The following PLAG1 variants were observed in gnomAD, a reference collection of about 807,000 sequenced individuals.
PLAG1 encodes PLAG1 zinc finger, also known as zinc finger protein PLAG1.
Under a neutral mutation model 35.5 loss-of-function variants are expected in PLAG1, and 7 were observed. The observed-to-expected ratio is 0.20, with a 90% CI of 0.11 to 0.37. The LOEUF is 0.37. PLAG1 is among the 10% of genes least tolerant of loss of function. The probability of loss-of-function intolerance (pLI) is 1.00; values close to 1 mark genes in which losing one functional copy is unlikely to be tolerated. For synonymous variants in PLAG1, 229 were observed against 225.4 expected, an observed-to-expected ratio of 1.02 and a Z score of -0.14; for missense variants, 454 against 602.8, an observed-to-expected ratio of 0.75 and a Z score of 2.58.
At chr8:56,190,521 A>G (rs1406144496) in intron 1 of PLAG1, among the ~76,000 whole-genome samples, 1 of 152,162 alleles carries the variant, frequency 6.6e-6, no homozygotes, top group Non-Finnish European at 1.5e-5. Flanking sequence ...GGGAACCAGA[A>G]TGGAGGCCTG....
chr8:56,191,050 G>A (rs1013701454), intron 1 of PLAG1, among the ~76,000 whole-genome samples: 1 of 152,192 alleles, frequency 6.6e-6, no homozygotes, highest in Non-Finnish European at 1.5e-5. Flanking sequence ...TCCCATGACA[G>A]GGCTGGAGAG....
Position 56,166,871 on chromosome 8 carries a change from T to C in PLAG1, c.875A>G (p.Asn292Ser), listed in dbSNP as rs772602654. The C allele has an allele frequency of 1.9e-6, 3 of 1,614,074 alleles. No homozygotes were observed. Among genetic ancestry groups the C allele is most frequent in the Non-Finnish European group, 2.5e-6 (3 of 1,179,984 alleles). The change falls in exon 5 of 5, where the codon AAC (asparagine) becomes AGC (serine). Residue 292 changes from asparagine (N) to serine (S), a missense_variant. Asn to Ser is a conservative substitution (Grantham distance 46). Around this residue, in one of 4 missense-constraint regions of PLAG1, gnomAD observed 271 missense variants for 315.6 expected, o/e 0.86. Coordinates refer to ENST00000316981, the MANE Select transcript of PLAG1 (RefSeq NM_002655.3). ...FTNTLQLNLY[N>S]TPFQSMQSSG... ...GCTCTGCATGGACTGAAATGGAGTG[T>C]TGTAGAGGTTTAACTGCAAAGTGTT...
At chr8:56,196,852 G>C (rs1481552948) in intron 1 of PLAG1, among the ~76,000 whole-genome samples, 3 of 151,956 alleles carry the variant, frequency 2.0e-5, no homozygotes, top group African/African-American at 7.3e-5. Context: ...AGATGCGTGG[G>C]GGTGTGCATG....
rs1419974199 is a variant in PLAG1 at position 56,161,393 on chromosome 8, A to G, written c.*4850T>C. ...TAGTCCAAACACTTTTTCATTAGCT[A>G]AAAATACAATTTCAGCAGTCCAGCT... On this transcript the variant is annotated 3_prime_UTR_variant, in exon 5 of 5. Coordinates refer to ENST00000316981, the MANE Select transcript of PLAG1 (RefSeq NM_002655.3). 4.6e-6 allele frequency: 1 copy of G among 218,182 alleles called. No homozygotes were observed. The highest frequency in any genetic ancestry group is 9.2e-6 in the Non-Finnish European group (1 of 108,282). 13.5% of individuals were successfully genotyped at this position (218,182 alleles called of 1,614,324 possible). A position where few individuals can be genotyped will look rare whatever the true frequency, so the allele number is the denominator to read the frequency against.
In PLAG1 at chr8:56,165,139, C is replaced by T; in HGVS notation, c.*1104G>A. On this transcript the variant is annotated 3_prime_UTR_variant, in exon 5 of 5. Transcript: ENST00000316981. ...AGCAAGAAATGATATAAGCGATATGCTTTTACTTTACTTCTAAAAAGTCCA... is the reference window on the plus strand; with the variant it reads ...AGCAAGAAATGATATAAGCGATATGTTTTTACTTTACTTCTAAAAAGTCCA... The T allele has an allele frequency of 4.8e-6, 1 of 210,442 alleles. No homozygotes were observed. The highest frequency in any genetic ancestry group is 9.7e-6 in the Non-Finnish European group (1 of 103,570). The allele number at this position is 210,442 out of a possible 1,614,324, so 13.0% of individuals were successfully genotyped here.
intron 1 of PLAG1, among the ~76,000 whole-genome samples, chr8:56,198,614 G>C (rs1054605531): frequency 6.6e-6 from 1 of 152,216 alleles, no homozygotes; most frequent in African/African-American, 2.4e-5. Flanking sequence ...TCTGCCTCCA[G>C]CACGTAGAGC....
chr8:56,210,213 G>T (rs1297332316), intron 1 of PLAG1, among the ~76,000 whole-genome samples: 1 of 152,212 alleles, frequency 6.6e-6, no homozygotes, highest in East Asian at 1.9e-4. Context: ...CAGGGGAAAG[G>T]CGGTACATAC....
At position 56,167,179 on chromosome 8, in the gene PLAG1, A is replaced by G. The variant is rs762661199; in HGVS notation, c.567T>C (p.His189=). ...GVKEKKHQCE[H]CDRRFYTRKD... is the part of the protein sequence containing the mutation. ...TTCGGGTGTAGAACCGGCGATCACA[A>G]TGTTCGCACTGGTGCTTTTTTTCTT... Residue 189 remains histidine, a synonymous_variant, in exon 5 of 5, where the codon CAT becomes CAC. Coordinates refer to ENST00000316981, the MANE Select transcript of PLAG1 (RefSeq NM_002655.3). The surrounding 1 kb of genome is among the most constrained non-coding windows in gnomAD (Gnocchi z 5.9). The G allele has an allele frequency of 1.2e-6, 2 of 1,613,508 alleles. No homozygotes were observed. Among genetic ancestry groups the G allele is most frequent in the Non-Finnish European group, 1.7e-6 (2 of 1,179,802 alleles).
intron 1 of PLAG1, among the ~76,000 whole-genome samples, chr8:56,192,941 T>G (rs2129231579): frequency 6.6e-6 from 1 of 151,852 alleles, no homozygotes; most frequent in East Asian, 1.9e-4. Context: ...AAATGCGTTT[T>G]AAGGAAGAAA....
At chr8:56,176,873 CCTAAATAT>C (rs1392593539) in intron 2 of PLAG1, among the ~76,000 whole-genome samples, 1 of 152,006 alleles carries the variant, frequency 6.6e-6, no homozygotes, top group Non-Finnish European at 1.5e-5. Flanking sequence ...AATGAAGGAA[CCTAAATAT>C]CTAGAGAACA....
intron 1 of PLAG1, among the ~76,000 whole-genome samples, chr8:56,210,407 AC>A (rs935548079): frequency 2.1e-5 from 2 of 95,116 alleles, no homozygotes; most frequent in African/African-American, 8.3e-5. Context: ...CCCTCCCCCT[AC>A]CCCCCCTCGC....
In PLAG1 at chr8:56,167,999, T is replaced by C. The variant is rs764494181; in HGVS notation, c.242+29A>G. The C allele has an allele frequency of 2.5e-6, 3 of 1,217,812 alleles. No individual in the cohort carries two copies. The highest frequency in any genetic ancestry group is 1.5e-5 in the African/African-American group (1 of 65,924). 75.4% of individuals were successfully genotyped at this position (1,217,812 alleles called of 1,614,324 possible). ...CAAACAGCCAACATAAGAGAAAATATAATCTGAAAGACAAATAGAGTTTAA... is the reference window on the plus strand; with the variant it reads ...CAAACAGCCAACATAAGAGAAAATACAATCTGAAAGACAAATAGAGTTTAA... On this transcript the variant is annotated intron_variant, in intron 4 of 4. Coordinates refer to ENST00000316981, the MANE Select transcript of PLAG1 (RefSeq NM_002655.3). This position sits in a 1 kb window ranked among gnomAD's most constrained non-coding sequence, Gnocchi z 5.9.
Position 56,211,211 on chromosome 8 carries a change from G to T in PLAG1, c.-412C>A. Reference sequence around the variant, plus strand: ...TAATTTTTTTCTCATATTTCGGGCTGGACGCGGCGGGCCTGGAAATTGTTT... The same window carrying T: ...TAATTTTTTTCTCATATTTCGGGCTTGACGCGGCGGGCCTGGAAATTGTTT... On this transcript the variant is annotated 5_prime_UTR_variant, in exon 1 of 5. Coordinates refer to ENST00000316981, the MANE Select transcript of PLAG1 (RefSeq NM_002655.3). The T allele has an allele frequency of 6.5e-6, 1 of 153,582 alleles. No homozygotes were observed. The allele number at this position is 153,582 out of a possible 1,614,324, so 9.5% of individuals were successfully genotyped here. A position where few individuals can be genotyped will look rare whatever the true frequency, so the allele number is the denominator to read the frequency against.
At chr8:56,196,582 C>A (rs1004039971) in intron 1 of PLAG1, among the ~76,000 whole-genome samples, 3 of 152,118 alleles carry the variant, frequency 2.0e-5, no homozygotes, top group African/African-American at 7.2e-5. Context: ...ACACGTCAGT[C>A]AGAACTGGGT....
chr8:56,186,106 C>CT (rs1812009943), intron 1 of PLAG1, among the ~76,000 whole-genome samples: 1 of 152,146 alleles, frequency 6.6e-6, no homozygotes, highest in Non-Finnish European at 1.5e-5. Context: ...GAGAGGCAGA[C>CT]TGGAGCTCTG....
intron 2 of PLAG1, among the ~76,000 whole-genome samples, chr8:56,171,705 A>G (rs950332121): frequency 3.9e-5 from 6 of 152,160 alleles, no homozygotes; most frequent in African/African-American, 1.2e-4. Context: ...AACACCTGCC[A>G]ATTTATTTTT....
At position 56,162,815 on chromosome 8, in the gene PLAG1, C is replaced by T. The variant is rs1811243162; in HGVS notation, c.*3428G>A. 4.7e-6 allele frequency: 1 copy of T among 214,474 alleles called. No individual in the cohort carries two copies. The allele number at this position is 214,474 out of a possible 1,614,324, so 13.3% of individuals were successfully genotyped here. A position where few individuals can be genotyped will look rare whatever the true frequency, so the allele number is the denominator to read the frequency against. On this transcript the variant is annotated 3_prime_UTR_variant, in exon 5 of 5. Coordinates refer to ENST00000316981, the MANE Select transcript of PLAG1 (RefSeq NM_002655.3). ...TATGGTTTTTAAAAACCGCTACTGTCCAAATTAACACAATATATCACTATA... is the reference window on the plus strand; with the variant it reads ...TATGGTTTTTAAAAACCGCTACTGTTCAAATTAACACAATATATCACTATA...
At chr8:56,177,465 T>C (rs1367630166) in intron 2 of PLAG1, among the ~76,000 whole-genome samples, 2 of 152,180 alleles carry the variant, frequency 1.3e-5, no homozygotes, top group South Asian at 2.1e-4. Context: ...AGGTTTGTTA[T>C]CTATATTCCT....
At chr8:56,183,161 G>C (rs1811922053) in intron 1 of PLAG1, among the ~76,000 whole-genome samples, 2 of 152,186 alleles carry the variant, frequency 1.3e-5, no homozygotes, top group South Asian at 4.1e-4. Flanking sequence ...AAATTGCTTA[G>C]TTACTGCTGA....
Sources: gnomAD v4.1 joint callset for allele counts (sites outside exome capture counted in the v4.1 genomes callset) on GRCh38, gnomAD v4.1.1 for gene constraint, gnomAD v4.1.1 regional missense constraint, Gnocchi (gnomAD v3.1) non-coding constraint, MANE v1.5 for transcripts, NCBI Gene and HGNC (gene_info 2026-07-23, HGNC 2026-07-21) for gene names.